NCBP1: variants seen among roughly 807,000 people sequenced by gnomAD.
NCBP1 encodes the protein nuclear cap-binding protein subunit 1.
A neutral mutation model predicts 111.7 loss-of-function variants in NCBP1; 16 were observed. The ratio of observed to expected loss-of-function variants is 0.14; its 90% confidence interval spans 0.10 to 0.22. The LOEUF (loss-of-function observed/expected upper bound fraction) is 0.22, where lower values mean the gene tolerates loss of function less well. Among genes scored for constraint, NCBP1 ranks in the 10% least tolerant of loss-of-function variants. The pLI is 1.00. For missense variants in NCBP1, 607 were observed against 957.5 expected (o/e 0.63, Z 4.83); for synonymous variants, 304 against 314.3 (o/e 0.97, Z 0.35).
chr9:97,634,664 A>G (rs1240130393), intron 1 of NCBP1: 3 of 152,280 alleles, frequency 2.0e-5, no homozygotes, highest in Admixed American at 1.3e-4. Context: ...AAAGATGCTT[A>G]TATTACACAT....
chr9:97,662,942 C>A lies in NCBP1; in HGVS notation c.1704-12C>A. ...AGTATATATGGTATTTTTTTCCCAT[C>A]ATTATCAAAAGGTTTCATGAAGTCT... On this transcript the variant is annotated splice_polypyrimidine_tract_variant and intron_variant, in intron 17 of 22. Transcript: ENST00000375147. 6.3e-7 allele frequency: 1 copy of A among 1,587,010 alleles called. No individual in the cohort carries two copies. The highest frequency in any genetic ancestry group is 1.1e-5 in the South Asian group (1 of 88,518).
intron 3 of NCBP1, among the ~76,000 whole-genome samples, 187 bp from the exon 4 acceptor site, chr9:97,643,017 A>G (rs1355274593): frequency 2.0e-5 from 3 of 152,154 alleles, no homozygotes; most frequent in African/African-American, 4.8e-5. Context: ...ATGAATTAAA[A>G]TGAAAAATTA....
rs138168987 is a variant in NCBP1, at chr9:97,643,351, C to G, written c.372C>G (p.Ala124=). 6.3e-6 allele frequency: 10 copies of G among 1,593,954 alleles called. No individual in the cohort carries two copies. Among genetic ancestry groups the G allele is most frequent in the Non-Finnish European group, 8.5e-6 (10 of 1,173,332 alleles). Residue 124 remains alanine, a synonymous_variant, in exon 4 of 23, where the codon GCC becomes GCG. Coordinates refer to ENST00000375147, the MANE Select transcript of NCBP1 (RefSeq NM_002486.5). ...TGAAAGCAAACAATTATAATGAAGCCGTGTATTTGGTAAGTTAGTTTGTTT... is the reference window on the plus strand; with the variant it reads ...TGAAAGCAAACAATTATAATGAAGCGGTGTATTTGGTAAGTTAGTTTGTTT... ...ESLKANNYNE[A]VYLVRFLSDL... is the part of the protein sequence containing the mutation.
At chr9:97,638,987 A>G (rs1827127754) in intron 1 of NCBP1, among the ~76,000 whole-genome samples, 1 of 152,108 alleles carries the variant, frequency 6.6e-6, no homozygotes, top group African/African-American at 2.4e-5. Flanking sequence ...GAAATGAAAG[A>G]CCTTTGTGTG....
intron 4 of NCBP1, 100 bp from the exon 5 acceptor site, chr9:97,645,017 A>G: frequency 7.2e-6 from 6 of 830,536 alleles, no homozygotes; most frequent in Non-Finnish European, 1.2e-5. Flanking sequence ...CTTAGGCTAT[A>G]GTTTTTTAGA....
At chr9:97,659,984 ACTTC>A (rs1016552154) in intron 15 of NCBP1, among the ~76,000 whole-genome samples, 8 of 152,122 alleles carry the variant, frequency 5.3e-5, no homozygotes, top group Non-Finnish European at 1.2e-4. Context: ...TTCTAGCTCC[ACTTC>A]CTTTTCTCCT....
intron 19 of NCBP1, among the ~76,000 whole-genome samples, chr9:97,666,323 G>C (rs1166633580): frequency 2.0e-5 from 3 of 152,154 alleles, no homozygotes; most frequent in African/African-American, 7.2e-5. Flanking sequence ...AGAATAATTG[G>C]CTGAGTGTGT....
chr9:97,672,086 C>T lies in NCBP1; in HGVS notation c.*887C>T, dbSNP rs572389358. 2.0e-5 allele frequency: 3 copies of T among 152,236 alleles called. No individual in the cohort carries two copies. The highest frequency in any genetic ancestry group is 4.4e-5 in the Non-Finnish European group (3 of 68,006). 9.4% of individuals were successfully genotyped at this position (152,236 alleles called of 1,614,324 possible). A position where few individuals can be genotyped will look rare whatever the true frequency, so the allele number is the denominator to read the frequency against. ...GAGTTTAGATTTTGTTTATATGGAA[C>T]CTGATCCAAAAAACTACGAAGTCCT... On this transcript the variant is annotated 3_prime_UTR_variant, in exon 23 of 23. Coordinates refer to ENST00000375147, the MANE Select transcript of NCBP1 (RefSeq NM_002486.5).
At chr9:97,664,244 C>A in intron 18 of NCBP1, 96 bp from the exon 19 acceptor site, 2 of 693,212 alleles carry the variant, frequency 2.9e-6, no homozygotes, top group Non-Finnish European at 4.7e-6. Context: ...AATTTTATAG[C>A]CCTCCTATTT....
chr9:97,656,169 T>C (rs1402954154), intron 14 of NCBP1, 84 bp downstream of exon 14: 56 of 1,148,396 alleles, frequency 4.9e-5, no homozygotes, highest in African/African-American at 7.8e-5. Context: ...GTTCAGAATA[T>C]TGGATTCAAA....
At chr9:97,656,737 C>T (rs966461200) in intron 14 of NCBP1, among the ~76,000 whole-genome samples, 1 of 152,088 alleles carries the variant, frequency 6.6e-6, no homozygotes, top group Non-Finnish European at 1.5e-5. Context: ...CGTTGGTTTT[C>T]CTTTGAGAAT....
At chr9:97,640,910 G>C (rs1266419010) in intron 2 of NCBP1, 28 bp downstream of exon 2, 8 of 1,508,186 alleles carry the variant, frequency 5.3e-6, no homozygotes, top group Non-Finnish European at 7.3e-6. Context: ...CACAGGCTGT[G>C]ATGGGTTTAA....
At chr9:97,666,448 A>G (rs566164644) in intron 19 of NCBP1, among the ~76,000 whole-genome samples, 1 of 152,352 alleles carries the variant, frequency 6.6e-6, no homozygotes, top group East Asian at 1.9e-4. Context: ...TTCCATTTTT[A>G]ATGTTAATGT....
chr9:97,669,922 C>A (rs1828131283), intron 22 of NCBP1: 1 of 581,990 alleles, frequency 1.7e-6, no homozygotes, highest in Non-Finnish European at 3.1e-6. Context: ...CCAACAACCC[C>A]CCGCCCCACC....
At chr9:97,634,415 A>G (rs1407086066) in intron 1 of NCBP1, 1 of 154,614 alleles carries the variant, frequency 6.5e-6, no homozygotes, top group Admixed American at 6.5e-5. Flanking sequence ...AGCTGCAGGG[A>G]AAGAATATTG....
At chr9:97,651,523 G>C (rs373360933) in intron 10 of NCBP1, 150 bp downstream of exon 10, 4 of 726,988 alleles carry the variant, frequency 5.5e-6, no homozygotes, top group African/African-American at 5.5e-5. Context: ...AATTGCTGTC[G>C]GTTTTGGTGC....
At chr9:97,636,708 A>G (rs1037462879) in intron 1 of NCBP1, among the ~76,000 whole-genome samples, 3 of 146,484 alleles carry the variant, frequency 2.0e-5, no homozygotes, top group African/African-American at 7.5e-5. Flanking sequence ...TAACAGTGCC[A>G]AGCTCTGTCC....
intron 1 of NCBP1, among the ~76,000 whole-genome samples, chr9:97,640,545 T>A (rs1456388264): frequency 6.6e-6 from 1 of 152,022 alleles, no homozygotes; most frequent in Admixed American, 6.6e-5. Flanking sequence ...ATTGCATAGC[T>A]CCATGGGCAC....
rs1040520433 is a variant in NCBP1 at position 97,669,116 on chromosome 9, A to G, written c.2145+142A>G. 4 of 1,033,792 alleles carry G rather than the reference A, an allele frequency of 3.9e-6. No homozygotes were observed. The Admixed American group carries it at 1.2e-4, about 30-fold the overall frequency. The allele number at this position is 1,033,792 out of a possible 1,614,324, so 64.0% of individuals were successfully genotyped here. The stretch of plus-strand genomic sequence containing the variant: ...TAAAAATACAAAAATTTAGGAAGGA[A>G]ATAAAAGTTCACTACTCAGAGGCAA... On this transcript the variant is annotated intron_variant, in intron 21 of 22. Coordinates refer to ENST00000375147, the MANE Select transcript of NCBP1 (RefSeq NM_002486.5).
Sources: allele counts gnomAD v4.1 joint callset (sites outside exome capture counted in the v4.1 genomes callset), GRCh38; gene constraint gnomAD v4.1.1; transcripts MANE v1.5; gene names NCBI Gene and HGNC (gene_info 2026-07-23, HGNC 2026-07-21).